Variants in GATAD1 observed in about 807,000 individuals in gnomAD.
GATAD1 encodes GATA zinc finger domain containing 1, also known as GATA zinc finger domain-containing protein 1.
GATAD1 carries 12 observed loss-of-function variants against 26.5 expected under a neutral mutation model. The observed-to-expected ratio is 0.45, with a 90% CI of 0.29 to 0.73. GATAD1 has a LOEUF of 0.73. Ranked by LOEUF, GATAD1 falls within the 30% of genes least tolerant of loss-of-function variation. The pLI is 0.10. For missense variants in GATAD1, 266 were observed against 342.1 expected, an observed-to-expected ratio of 0.78 and a Z score of 1.75; for synonymous variants, 129 against 133.1, an observed-to-expected ratio of 0.97 and a Z score of 0.21.
At chr7:92,473,884 A>T in the GATAD1 span, among the ~76,000 whole-genome samples, 3 of 152,150 alleles carry the variant, frequency 2.0e-5, no homozygotes, top group African/African-American at 7.2e-5. Flanking sequence ...AGGCACCCTC[A>T]GTCCTGCTGC....
At chr7:92,475,272 A>G in the GATAD1 span, 2 of 152,088 alleles carry the variant, frequency 1.3e-5, no homozygotes, top group Non-Finnish European at 2.9e-5. Context: ...AATACGTCTT[A>G]GGGGCGTTTT....
chr7:92,476,623 T>C, the GATAD1 span, among the ~76,000 whole-genome samples: 1 of 152,290 alleles, frequency 6.6e-6, no homozygotes, highest in East Asian at 1.9e-4. Context: ...TTTGTCTCTC[T>C]CTCTCTTCTG....
At chr7:92,470,489 G>C in the GATAD1 span, 1 of 596,192 alleles carries the variant, frequency 1.7e-6, no homozygotes, top group South Asian at 2.2e-5. Flanking sequence ...GGATTTTCAG[G>C]TTCCTTTGGC....
chr7:92,474,348 CAGAG>C, the GATAD1 span, among the ~76,000 whole-genome samples: 1 of 152,192 alleles, frequency 6.6e-6, no homozygotes, highest in Non-Finnish European at 1.5e-5. Context: ...AGTCAGGTGA[CAGAG>C]AGGCACGCTT....
chr7:92,460,680 G>C (rs931298044), downstream of GATAD1, among the ~76,000 whole-genome samples: 8 of 150,542 alleles, frequency 5.3e-5, no homozygotes, highest in Admixed American at 2.7e-4. Context: ...TGTAATCCCA[G>C]CACTTTAAGA....
At chr7:92,461,781 G>C (rs560325146), downstream of GATAD1, among the ~76,000 whole-genome samples, 18 of 152,284 alleles carry the variant, frequency 1.2e-4, no homozygotes, top group South Asian at 3.1e-3. Context: ...ACAGCAAATG[G>C]TCCGTGACAG....
chr7:92,481,691 A>G, the GATAD1 span, among the ~76,000 whole-genome samples: 1 of 152,268 alleles, frequency 6.6e-6, no homozygotes, highest in Non-Finnish European at 1.5e-5. Context: ...CAAGGAATGG[A>G]AAGAGGAGTG....
At chr7:92,478,810 A>C in the GATAD1 span, among the ~76,000 whole-genome samples, 1 of 152,226 alleles carries the variant, frequency 6.6e-6, no homozygotes. Flanking sequence ...AGGTCCACCC[A>C]ACATGGCCAC....
the GATAD1 span, among the ~76,000 whole-genome samples, chr7:92,478,476 A>C: frequency 6.6e-6 from 1 of 152,114 alleles, no homozygotes; most frequent in Non-Finnish European, 1.5e-5. Flanking sequence ...ATAAGTGGGG[A>C]TAAGTGGCTC....
the GATAD1 span, among the ~76,000 whole-genome samples, chr7:92,476,784 CAA>C: frequency 1.3e-5 from 2 of 151,996 alleles, no homozygotes; most frequent in Non-Finnish European, 2.9e-5. Flanking sequence ...CTGCCCATGT[CAA>C]GAGCTGTATG....
the GATAD1 span, among the ~76,000 whole-genome samples, chr7:92,485,494 A>G: frequency 6.6e-6 from 1 of 152,226 alleles, no homozygotes; most frequent in African/African-American, 2.4e-5. Context: ...CAGACTAAGA[A>G]TGAAGAGCCA....
Position 92,454,525 on chromosome 7 carries a change from T to G in GATAD1, c.459T>G (p.Asp153Glu). The change falls in exon 4 of 5, where the codon GAT (aspartate) becomes GAG (glutamate). Residue 153 changes from aspartate (D) to glutamate (E), a missense_variant. Coordinates refer to ENST00000287957, the MANE Select transcript of GATAD1 (RefSeq NM_021167.5). ...FYKGVYYQIG[D>E]VVSVIDEQDG... Reference sequence around the variant, plus strand: ...AGGGAGTATATTACCAAATTGGTGATGTTGTTTCTGTGATTGATGAACAAG... The same window carrying G: ...AGGGAGTATATTACCAAATTGGTGAGGTTGTTTCTGTGATTGATGAACAAG... The G allele has an allele frequency of 6.2e-7, 1 of 1,611,632 alleles. No homozygotes were observed. The highest frequency in any genetic ancestry group is 8.5e-7 in the Non-Finnish European group (1 of 1,177,776).
chr7:92,490,652 A>G, the GATAD1 span, among the ~76,000 whole-genome samples: 149 of 140,396 alleles, frequency 1.1e-3, 1 homozygote, highest in Middle Eastern at 7.5e-3. Context: ...AAAAAAAAAA[A>G]GCCTAAATTA....
chr7:92,474,059 C>A, the GATAD1 span, among the ~76,000 whole-genome samples: 1 of 151,934 alleles, frequency 6.6e-6, no homozygotes, highest in African/African-American at 2.4e-5. Flanking sequence ...GGAAGCAAGC[C>A]CTATTAGGCA....
chr7:92,454,056 C>T (rs942611443), intron 3 of GATAD1: 5 of 199,862 alleles, frequency 2.5e-5, no homozygotes, highest in Non-Finnish European at 3.0e-5. Context: ...GTACGTTCAT[C>T]CGTGTAACAA....
the GATAD1 span, chr7:92,489,418 G>A: frequency 2.2e-5 from 36 of 1,611,998 alleles, no homozygotes; most frequent in Middle Eastern, 1.6e-4. Context: ...TCATGGATTC[G>A]TCCTCCTTAA....
the GATAD1 span, among the ~76,000 whole-genome samples, chr7:92,480,927 A>G: frequency 5.3e-5 from 8 of 152,354 alleles, no homozygotes; most frequent in African/African-American, 1.9e-4. Context: ...CTTTCAGCCC[A>G]TATAACAGCA....
the GATAD1 span, chr7:92,489,334 T>C: frequency 6.2e-7 from 1 of 1,613,448 alleles, no homozygotes; most frequent in Non-Finnish European, 8.5e-7. Context: ...TAATGGATGG[T>C]CTTGTGTGAC....
the GATAD1 span, among the ~76,000 whole-genome samples, chr7:92,492,515 G>A: frequency 1.3e-5 from 2 of 152,152 alleles, no homozygotes; most frequent in Admixed American, 6.6e-5. Context: ...CAAGAATGAT[G>A]AGGACATGTC....
Sources: gnomAD v4.1 joint callset for allele counts (sites outside exome capture counted in the v4.1 genomes callset) on GRCh38, gnomAD v4.1.1 for gene constraint, MANE v1.5 for transcripts, NCBI Gene and HGNC (gene_info 2026-07-23, HGNC 2026-07-21) for gene names.